AMOTL1: variants seen among roughly 807,000 people sequenced by gnomAD.
AMOTL1 encodes angiomotin like 1, also known as angiomotin-like protein 1.
Under a neutral mutation model 102.9 loss-of-function variants are expected in AMOTL1, and 45 were observed. The observed-to-expected ratio is 0.44, with a 90% CI of 0.34 to 0.56. AMOTL1 has a LOEUF of 0.56. AMOTL1 is among the 20% of genes least tolerant of loss of function. AMOTL1 has a pLI of 0.01. For synonymous variants in AMOTL1, 481 were observed against 484.7 expected (o/e 0.99, Z 0.10); for missense variants, 1,114 against 1,225.6 (o/e 0.91, Z 1.36).
chr11:94,800,279 G>A lies in AMOTL1; in HGVS notation c.1089G>A (p.Arg363=), dbSNP rs1206839296. 1.2e-6 allele frequency: 2 copies of A among 1,611,738 alleles called. No homozygotes were observed. The highest frequency in any genetic ancestry group is 2.2e-5 in the South Asian group (2 of 90,742). Residue 363 remains arginine (R), a synonymous_variant, in exon 3 of 13, where the codon CGG becomes CGA. Coordinates refer to ENST00000433060, the MANE Select transcript of AMOTL1 (RefSeq NM_130847.3). Reference sequence around the variant, plus strand: ...TGAGAACAGATGTGGCCGTCCTGCGGTACCAGCCACCCCCTGAGTATGGGG... The same window carrying A: ...TGAGAACAGATGTGGCCGTCCTGCGATACCAGCCACCCCCTGAGTATGGGG... ...QPVRTDVAVL[R]YQPPPEYGVT... is the part of the protein sequence containing the mutation.
intron 2 of AMOTL1, among the ~76,000 whole-genome samples, chr11:94,739,696 T>C (rs1372780434): frequency 6.6e-6 from 1 of 152,150 alleles, no homozygotes; most frequent in Non-Finnish European, 1.5e-5. Context: ...TTTCCATACT[T>C]GTTCCTTCCT....
chr11:94,780,309 G>A (rs1050102240), intron 1 of AMOTL1, among the ~76,000 whole-genome samples: 1 of 152,168 alleles, frequency 6.6e-6, no homozygotes, highest in South Asian at 2.1e-4. Flanking sequence ...TGACTTGCAT[G>A]CCAAGGTGGC....
chr11:94,743,865 G>C (rs1950559846), intron 3 of AMOTL1, among the ~76,000 whole-genome samples: 1 of 151,820 alleles, frequency 6.6e-6, no homozygotes, highest in Non-Finnish European at 1.5e-5. Context: ...TGCCATGTTA[G>C]CCAGGCTGGT....
intron 3 of AMOTL1, among the ~76,000 whole-genome samples, chr11:94,753,961 G>A (rs955443858): frequency 6.6e-6 from 1 of 152,172 alleles, no homozygotes; most frequent in Non-Finnish European, 1.5e-5. Context: ...TTTACAACGT[G>A]GAGTTCTAGC....
chr11:94,830,586 G>C (rs1201417700), intron 5 of AMOTL1, among the ~76,000 whole-genome samples: 1 of 152,230 alleles, frequency 6.6e-6, no homozygotes, highest in African/African-American at 2.4e-5. Context: ...AGCACACTTT[G>C]AAAAGCAGCA....
intron 10 of AMOTL1, 84 bp from the exon 11 acceptor site, chr11:94,865,858 G>C: frequency 8.4e-7 from 1 of 1,194,878 alleles, no homozygotes; most frequent in Non-Finnish European, 1.2e-6. Flanking sequence ...TACAATTAAA[G>C]TCTTTGGGAC....
intron 3 of AMOTL1, among the ~76,000 whole-genome samples, chr11:94,807,745 T>G (rs1290481967): frequency 6.6e-6 from 1 of 151,992 alleles, no homozygotes; most frequent in Non-Finnish European, 1.5e-5. Flanking sequence ...GTTGCATATG[T>G]CACTGTTACT....
At chr11:94,828,871 C>T (rs1952017917) in intron 4 of AMOTL1, among the ~76,000 whole-genome samples, 1 of 152,154 alleles carries the variant, frequency 6.6e-6, no homozygotes, top group African/African-American at 2.4e-5. Context: ...CTTTCAACCC[C>T]ATCAGCTTTG....
intron 3 of AMOTL1, among the ~76,000 whole-genome samples, chr11:94,751,778 GCACA>G (rs71036341): frequency 0.014 from 2,032 of 146,714 alleles, 14 homozygotes; most frequent in Non-Finnish European, 0.019. Flanking sequence ...CATTCACACA[GCACA>G]CACACACACA....
intron 6 of AMOTL1, among the ~76,000 whole-genome samples, chr11:94,843,426 G>A (rs560180942): frequency 1.3e-5 from 2 of 152,240 alleles, no homozygotes; most frequent in East Asian, 3.9e-4. Flanking sequence ...TATCTTTGAG[G>A]CAGAAGGAAC....
At chr11:94,761,306 C>T (rs1240721680) in intron 3 of AMOTL1, among the ~76,000 whole-genome samples, 3 of 151,602 alleles carry the variant, frequency 2.0e-5, no homozygotes, top group East Asian at 3.9e-4. Context: ...TTCCTGCCTC[C>T]GTCTCCTGAG....
chr11:94,821,890 G>A, intron 4 of AMOTL1, 69 bp downstream of exon 4: 2 of 1,568,826 alleles, frequency 1.3e-6, no homozygotes, highest in South Asian at 2.4e-5. Flanking sequence ...TTGATGCACT[G>A]ACTGACTTGC....
At chr11:94,718,954 C>G (rs1410980498) in intron 1 of AMOTL1, among the ~76,000 whole-genome samples, 1 of 151,610 alleles carries the variant, frequency 6.6e-6, no homozygotes, top group Admixed American at 6.6e-5. Context: ...GTAAGATTTT[C>G]CCATGCCAGA....
chr11:94,709,201 A>G (rs1949981360), intron 1 of AMOTL1, among the ~76,000 whole-genome samples: 1 of 152,200 alleles, frequency 6.6e-6, no homozygotes, highest in Non-Finnish European at 1.5e-5. Flanking sequence ...CTAGCCTTAG[A>G]GACTTGGTTG....
chr11:94,743,024 T>G (rs1591920847), intron 3 of AMOTL1, among the ~76,000 whole-genome samples: 1 of 152,186 alleles, frequency 6.6e-6, no homozygotes, highest in African/African-American at 2.4e-5. Flanking sequence ...TGAGGGGATA[T>G]AAATATTCAG....
At chr11:94,708,254 T>C (rs1342044944) in intron 1 of AMOTL1, among the ~76,000 whole-genome samples, 3 of 152,246 alleles carry the variant, frequency 2.0e-5, no homozygotes, top group African/African-American at 7.2e-5. Flanking sequence ...GAGAAGAACT[T>C]GAAATGCTTA....
chr11:94,800,395 T>A, intron 3 of AMOTL1, 84 bp downstream of exon 3: 1 of 1,427,244 alleles, frequency 7.0e-7, no homozygotes, highest in South Asian at 1.4e-5. Context: ...CAGAGCAGAT[T>A]AGGTTTTTGT....
intron 1 of AMOTL1, among the ~76,000 whole-genome samples, chr11:94,772,339 G>A (rs1950964662): frequency 6.6e-6 from 1 of 152,072 alleles, no homozygotes; most frequent in Non-Finnish European, 1.5e-5. Context: ...TCTCCCTTAT[G>A]CTACACCTCT....
chr11:94,852,679 C>G lies in AMOTL1; in HGVS notation c.1795-1254C>G, dbSNP rs75125845. 1.9e-3 allele frequency among the ~76,000 whole-genome samples: 294 copies of G among 152,332 alleles called. 2 individuals are homozygous for G. Among genetic ancestry groups the G allele is most frequent in the Middle Eastern group, 3.4e-3 (1 of 294 alleles). On this transcript the variant is annotated intron_variant, in intron 7 of 12. Transcript: ENST00000433060. ...GTGACATTTCCATAAATTATTTTAACCTTAATTTCCATCTCCTCAGTTATT... is the reference window on the plus strand; with the variant it reads ...GTGACATTTCCATAAATTATTTTAAGCTTAATTTCCATCTCCTCAGTTATT...
Sources: gnomAD v4.1 joint callset for allele counts (sites outside exome capture counted in the v4.1 genomes callset) on GRCh38, gnomAD v4.1.1 for gene constraint, MANE v1.5 for transcripts, NCBI Gene and HGNC (gene_info 2026-07-23, HGNC 2026-07-21) for gene names.